TBC1D12: variants seen among roughly 807,000 people sequenced by gnomAD.
The protein encoded by TBC1D12 is TBC1 domain family member 12.
Under a neutral mutation model 86.7 loss-of-function variants are expected in TBC1D12, and 56 were observed. The observed-to-expected ratio is 0.65, with a 90% confidence interval of 0.52 to 0.81. TBC1D12 has a LOEUF of 0.81. Among genes scored for constraint, TBC1D12 ranks in the 30% least tolerant of loss-of-function variants. TBC1D12 has a pLI of 0.00. For missense variants in TBC1D12, 1,023 were observed against 1,038.8 expected, an observed-to-expected ratio of 0.98 and a Z score of 0.21; for synonymous variants, 421 against 411.7, an observed-to-expected ratio of 1.02 and a Z score of -0.27.
intron 2 of TBC1D12, among the ~76,000 whole-genome samples, chr10:94,445,789 A>T (rs774447327): frequency 2.0e-5 from 3 of 152,088 alleles, no homozygotes; most frequent in Non-Finnish European, 4.4e-5. Context: ...CTCTACTAAA[A>T]ATACAAAAAT....
At chr10:94,458,813 G>A (rs939994723) in intron 2 of TBC1D12, among the ~76,000 whole-genome samples, 2 of 152,100 alleles carry the variant, frequency 1.3e-5, no homozygotes, top group African/African-American at 4.8e-5. Flanking sequence ...ATCTGGAGTT[G>A]TTCGTCCCTC....
intron 2 of TBC1D12, among the ~76,000 whole-genome samples, chr10:94,467,971 C>T (rs1459816548): frequency 6.6e-6 from 1 of 152,224 alleles, no homozygotes. Context: ...GAATATAGCT[C>T]TGACTTTGCA....
chr10:94,512,855 G>A (rs529436182), intron 9 of TBC1D12, among the ~76,000 whole-genome samples: 295 of 152,276 alleles, frequency 1.9e-3, no homozygotes, highest in Non-Finnish European at 2.5e-3. Context: ...CCCTTCACAT[G>A]TTAAAGTTGA....
At chr10:94,525,986 G>A (rs892194718) in intron 11 of TBC1D12, among the ~76,000 whole-genome samples, 5 of 152,082 alleles carry the variant, frequency 3.3e-5, no homozygotes, top group Non-Finnish European at 5.9e-5. Context: ...GAAACCATAT[G>A]TTAACTATAG....
intron 1 of TBC1D12, among the ~76,000 whole-genome samples, chr10:94,404,965 T>G (rs1249183257): frequency 6.6e-6 from 1 of 151,606 alleles, no homozygotes. Flanking sequence ...GAGAATCGTT[T>G]GAACCCAGAA....
chr10:94,495,243 C>T (rs11187982), intron 4 of TBC1D12, among the ~76,000 whole-genome samples: 1 of 151,810 alleles, frequency 6.6e-6, no homozygotes, highest in Non-Finnish European at 1.5e-5. Context: ...AGGCTGGTCT[C>T]GAACTCTTGA....
intron 6 of TBC1D12, among the ~76,000 whole-genome samples, chr10:94,503,686 G>GCTCTCT (rs560763268): frequency 1.1e-3 from 162 of 152,198 alleles, no homozygotes; most frequent in Admixed American, 3.4e-3. Context: ...GTGCAGTGGT[G>GCTCTCT]CTCTCTCAGC....
intron 2 of TBC1D12, among the ~76,000 whole-genome samples, chr10:94,468,574 T>C (rs1404603196): frequency 2.0e-5 from 3 of 152,184 alleles, no homozygotes; most frequent in African/African-American, 7.2e-5. Context: ...TCACATTCAG[T>C]CTTTTCAATA....
At chr10:94,518,102 C>T (rs1274608648) in intron 9 of TBC1D12, among the ~76,000 whole-genome samples, 1 of 151,956 alleles carries the variant, frequency 6.6e-6, no homozygotes, top group Non-Finnish European at 1.5e-5. Context: ...TGTAGTGAGC[C>T]GAGATCCCGC....
intron 11 of TBC1D12, among the ~76,000 whole-genome samples, chr10:94,530,565 C>G (rs977189295): frequency 1.3e-5 from 2 of 152,112 alleles, no homozygotes; most frequent in Non-Finnish European, 2.9e-5. Flanking sequence ...TTATTAACTA[C>G]TATAATTTTT....
intron 2 of TBC1D12, among the ~76,000 whole-genome samples, chr10:94,452,608 C>T (rs1474701992): frequency 1.3e-5 from 2 of 152,126 alleles, no homozygotes; most frequent in East Asian, 3.8e-4. Context: ...CTTTCCATGG[C>T]TTGATAGCTC....
Position 94,536,245 on chromosome 10 carries a change from A to G in TBC1D12, c.*3149A>G, listed in dbSNP as rs955709937. On this transcript the variant is annotated 3_prime_UTR_variant, in exon 13 of 13. Transcript: ENST00000225235. ...TACTCAAAATAATGTGAAATTTAAT[A>G]TGGTGTTTCATTTGTTTGTCTACTC... is the stretch of plus-strand genomic sequence containing the variant. Among the ~76,000 whole-genome samples, 2 of 152,198 alleles carry G rather than the reference A, an allele frequency of 1.3e-5. No individual in the cohort carries two copies. Among genetic ancestry groups the G allele is most frequent in the Admixed American group, 6.5e-5 (1 of 15,268 alleles).
Position 94,497,071 on chromosome 10 carries a change from TAAAAGA to T in TBC1D12, c.1319_1324del (p.Lys440_Arg441del). ...TTAAAACAGAAATTAAGGAAGCACA[TAAAAGA>T]AAAAGAATCATGAAAGAACGATTTA... On this transcript the variant is annotated inframe_deletion, in exon 5 of 13. Coordinates refer to ENST00000225235, the MANE Select transcript of TBC1D12 (RefSeq NM_015188.2). 1 of 1,564,698 alleles carries T rather than the reference TAAAAGA, an allele frequency of 6.4e-7. No homozygotes were observed. Among genetic ancestry groups the T allele is most frequent in the Non-Finnish European group, 8.6e-7 (1 of 1,161,644 alleles).
rs374480207 is a variant in TBC1D12 at position 94,467,451 on chromosome 10, C to T, written c.1096-7217C>T. ...TTTCTCCATTTGGTCAGGCTGGTCTCGAACTTCCGACCTCAGGTGAGCCGC... is the reference window on the plus strand; with the variant it reads ...TTTCTCCATTTGGTCAGGCTGGTCTTGAACTTCCGACCTCAGGTGAGCCGC... On this transcript the variant is annotated intron_variant, in intron 2 of 12. Coordinates refer to ENST00000225235, the MANE Select transcript of TBC1D12 (RefSeq NM_015188.2). Among the ~76,000 whole-genome samples, 11 of 152,162 alleles carry T rather than the reference C, an allele frequency of 7.2e-5. No homozygotes were observed. The East Asian group carries it at 1.4e-3, about 19-fold the overall frequency.
At chr10:94,413,606 A>G (rs530976724) in intron 1 of TBC1D12, among the ~76,000 whole-genome samples, 228 of 152,320 alleles carry the variant, frequency 1.5e-3, no homozygotes, top group Non-Finnish European at 1.4e-3. Context: ...CTGGGTTTTC[A>G]GCATGCTCTT....
intron 3 of TBC1D12, among the ~76,000 whole-genome samples, chr10:94,482,190 G>A (rs949249063): frequency 7.2e-5 from 11 of 151,970 alleles, no homozygotes; most frequent in Admixed American, 3.9e-4. Flanking sequence ...CCCAGTGTCC[G>A]TTGTTCCTTC....
At chr10:94,463,931 C>T (rs532178571) in intron 2 of TBC1D12, among the ~76,000 whole-genome samples, 91 of 152,110 alleles carry the variant, frequency 6.0e-4, no homozygotes, top group Admixed American at 1.2e-3. Flanking sequence ...TCATTTCTGT[C>T]AATTATTGTT....
At chr10:94,446,771 A>G (rs1302201711) in intron 2 of TBC1D12, among the ~76,000 whole-genome samples, 6 of 152,156 alleles carry the variant, frequency 3.9e-5, no homozygotes, top group Non-Finnish European at 7.3e-5. Flanking sequence ...CACTAAGTAA[A>G]GAAGAAAAGA....
chr10:94,478,480 AG>A (rs1404103596), intron 3 of TBC1D12, among the ~76,000 whole-genome samples: 1 of 152,162 alleles, frequency 6.6e-6, no homozygotes, highest in East Asian at 1.9e-4. Context: ...AGGCAGAGGC[AG>A]GGGCAGACCA....
Sources: allele counts gnomAD v4.1 joint callset (sites outside exome capture counted in the v4.1 genomes callset), GRCh38; gene constraint gnomAD v4.1.1; transcripts MANE v1.5; gene names NCBI Gene and HGNC (gene_info 2026-07-23, HGNC 2026-07-21).